The following CHML variants were observed in gnomAD, a reference collection of about 807,000 sequenced individuals.
The protein encoded by CHML is CHM like Rab escort protein, also known as rab proteins geranylgeranyltransferase component A 2.
In CHML, 20 loss-of-function variants were observed where a neutral mutation model predicts 30.4. The observed-to-expected ratio is 0.66, with a 90% CI of 0.46 to 0.95. The LOEUF (loss-of-function observed/expected upper bound fraction) is 0.95. Among genes scored for constraint, CHML ranks in the 40% least tolerant of loss-of-function variants. The pLI, the probability that CHML is intolerant of heterozygous loss-of-function variation, is 0.00. For synonymous variants in CHML, 281 were observed against 275.0 expected (o/e 1.02, Z -0.22); for missense variants, 795 against 768.5 (o/e 1.03, Z -0.41).
chr1:241,634,936 A>C lies in CHML; in HGVS notation c.831T>G (p.Pro277=), dbSNP rs897291725. 13 of 1,612,998 alleles carry C rather than the reference A, an allele frequency of 8.1e-6. No individual in the cohort carries two copies. Among genetic ancestry groups the C allele is most frequent in the Non-Finnish European group, 1.1e-5 (13 of 1,179,690 alleles). The change falls in exon 2 of 2, where the codon CCT becomes CCG. Residue 277 remains proline (P), a synonymous_variant. Coordinates refer to ENST00000366553, the MANE Select transcript of CHML (RefSeq NM_001381853.1). ...TATTAAAGACATCTGCTCTGGAACA[A>C]GGAACTTGTTCTACCTTTCCTTCCC... The part of the protein sequence containing the change: ...AFREGKVEQV[P]CSRADVFNSK...
In CHML at chr1:241,634,061, C is replaced by A; in HGVS notation, c.1706G>T (p.Gly569Val). ...SSGISRSSYN[G>V]LPSNVYVCSG... Reference sequence around the variant, plus strand: ...GCAGACATAAACATTGGAAGGCAAGCCATTATACGAGCTTCTGCTGATTCC... The same window carrying A: ...GCAGACATAAACATTGGAAGGCAAGACATTATACGAGCTTCTGCTGATTCC... The change falls in exon 2 of 2, where the codon GGC becomes GTC. Residue 569 changes from glycine (G) to valine (V), a missense_variant. Physicochemically the swap from Gly to Val is moderately radical, Grantham distance 109. Coordinates refer to ENST00000366553, the MANE Select transcript of CHML (RefSeq NM_001381853.1). 2 of 1,612,404 alleles carry A rather than the reference C, an allele frequency of 1.2e-6. No individual in the cohort carries two copies. The highest frequency in any genetic ancestry group is 1.7e-6 in the Non-Finnish European group (2 of 1,179,392).
Position 241,640,059 on chromosome 1 carries a change from A to G in CHML, c.-485T>C. 1 of 1,612,548 alleles carries G rather than the reference A, an allele frequency of 6.2e-7. No individual in the cohort carries two copies. The highest frequency in any genetic ancestry group is 8.5e-7 in the Non-Finnish European group (1 of 1,179,412). ...GTGCGGAGCCGCTGGAACTTGTAGTAGAGGACGAGCACCAGCAGGTTGTTG... is the reference window on the plus strand; with the variant it reads ...GTGCGGAGCCGCTGGAACTTGTAGTGGAGGACGAGCACCAGCAGGTTGTTG... On this transcript the variant is annotated 5_prime_UTR_variant, in exon 1 of 2. Coordinates refer to ENST00000366553, the MANE Select transcript of CHML (RefSeq NM_001381853.1).
Position 241,634,843 on chromosome 1 carries a change from T to C in CHML, c.924A>G (p.Glu308=). 1 of 1,611,762 alleles carries C rather than the reference T, an allele frequency of 6.2e-7. No individual in the cohort carries two copies. The highest frequency in any genetic ancestry group is 1.1e-5 in the South Asian group (1 of 90,726). ...MKFLTFCLEY[E]QHPDEYQAFR... is the part of the protein sequence containing the mutation. ...AAGCTTGGTATTCATCAGGATGTTG[T>C]TCATACTCTAAACAAAATGTGAGAA... Residue 308 remains glutamate (E), a synonymous_variant, in exon 2 of 2, where the codon GAA becomes GAG. Coordinates refer to ENST00000366553, the MANE Select transcript of CHML (RefSeq NM_001381853.1).
Position 241,634,476 on chromosome 1 carries a change from C to T in CHML, c.1291G>A (p.Ala431Thr). The change falls in exon 2 of 2, where the codon GCT becomes ACT. Residue 431 changes from alanine (A) to threonine (T), a missense_variant. Ala to Thr is a moderately conservative substitution (Grantham distance 58, BLOSUM62 0). Transcript: ENST00000366553. ...CTGTCTTCCACAATAAAATATTTAG[C>T]ATTTATTCTTTGACCAAAGTGATCT... ...IIDHFGQRINAKYFIVEDSYL... is the reference protein window; with the variant it reads ...IIDHFGQRINTKYFIVEDSYL... The T allele has an allele frequency of 1.2e-6, 2 of 1,613,724 alleles. No individual in the cohort carries two copies. The highest frequency in any genetic ancestry group is 1.1e-5 in the South Asian group (1 of 91,082).
At chr1:241,639,207 T>C (rs934968618) in intron 1 of CHML, 1 of 152,220 alleles carries the variant, frequency 6.6e-6, no homozygotes, top group Non-Finnish European at 1.5e-5. Flanking sequence ...GCTGAGCCAT[T>C]TGTAATCTCA....
At position 241,635,511 on chromosome 1, in the gene CHML, C is replaced by T; in HGVS notation, c.256G>A (p.Ala86Thr). 3.1e-6 allele frequency: 5 copies of T among 1,613,908 alleles called. No individual in the cohort carries two copies. Among genetic ancestry groups the T allele is most frequent in the Non-Finnish European group, 4.2e-6 (5 of 1,179,936 alleles). Residue 86 changes from alanine to threonine, a missense_variant, in exon 2 of 2, where the codon GCC becomes ACC. Coordinates refer to ENST00000366553, the MANE Select transcript of CHML (RefSeq NM_001381853.1). Reference protein sequence around the residue: ...WQDLIHETEEAITLRKKDETI... With the variant: ...WQDLIHETEETITLRKKDETI... Reference sequence around the variant, plus strand: ...TCATCCTTCTTGCGAAGAGTGATGGCTTCTTCTGTTTCATGGATCAGGTCC... The same window carrying T: ...TCATCCTTCTTGCGAAGAGTGATGGTTTCTTCTGTTTCATGGATCAGGTCC...
chr1:241,635,599 T>C lies in CHML; in HGVS notation c.168A>G (p.Leu56=), dbSNP rs376225412. Residue 56 remains leucine (L), a synonymous_variant, in exon 2 of 2, where the codon CTA becomes CTG. Coordinates refer to ENST00000366553, the MANE Select transcript of CHML (RefSeq NM_001381853.1). ...NWASFSFSGL[L]SWLKEYQQNN... ...TTTGCTGATACTCCTTCAACCAGGA[T>C]AGCAATCCTGAAAAGCTGAAACTAG... 1.4e-5 allele frequency: 23 copies of C among 1,614,118 alleles called. No homozygotes were observed. The highest frequency in any genetic ancestry group is 2.2e-5 in the East Asian group (1 of 44,886).
In CHML at chr1:241,632,975, G is replaced by A. The variant is rs1208684922; in HGVS notation, c.*821C>T. ...CACTTCATTTTTCCTTTTGGTCTAAGTTACTTATTGGAAGCTATTTTAAGT... is the reference window on the plus strand; with the variant it reads ...CACTTCATTTTTCCTTTTGGTCTAAATTACTTATTGGAAGCTATTTTAAGT... On this transcript the variant is annotated 3_prime_UTR_variant, in exon 2 of 2. Coordinates refer to ENST00000366553, the MANE Select transcript of CHML (RefSeq NM_001381853.1). The A allele has an allele frequency of 6.6e-6, 1 of 152,068 alleles. No individual in the cohort carries two copies. The highest frequency in any genetic ancestry group is 1.5e-5 in the Non-Finnish European group (1 of 67,988). The allele number at this position is 152,068 out of a possible 1,614,324, so 9.4% of individuals were successfully genotyped here. A position where few individuals can be genotyped will look rare whatever the true frequency, so the allele number is the denominator to read the frequency against.
chr1:241,638,949 C>T lies in CHML; in HGVS notation c.-308+933G>A, dbSNP rs150373579. ...GGAACTTTAAGCCTTGAGAAATACA[C>T]ATTTCTATTTCAAATCTCCCTACAA... On this transcript the variant is annotated intron_variant, in intron 1 of 1. Transcript: ENST00000366553. Among the ~76,000 whole-genome samples the T allele has an allele frequency of 3.5e-3, 540 of 152,284 alleles. 2 individuals carry two copies. The highest frequency in any genetic ancestry group is 0.012 in the African/African-American group (496 of 41,544).
rs1252583247 is a variant in CHML at position 241,629,927 on chromosome 1, CT to C, written c.*3868del. The C allele has an allele frequency of 6.6e-6, 1 of 151,766 alleles. No individual in the cohort carries two copies. The highest frequency in any genetic ancestry group is 6.6e-5 in the Admixed American group (1 of 15,256). 9.4% of individuals were successfully genotyped at this position (151,766 alleles called of 1,614,324 possible). A position where few individuals can be genotyped will look rare whatever the true frequency, so the allele number is the denominator to read the frequency against. ...AGAGCAAGGCTCCCATTTTTTCCCC[CT>C]AAATTAAAAAAACTTACATCTTTGC... On this transcript the variant is annotated 3_prime_UTR_variant, in exon 2 of 2. Transcript: ENST00000366553.
In CHML at chr1:241,639,821, G is replaced by A. The variant is rs1456279694; in HGVS notation, c.-308+61C>T. ...GCTGGGGGGCGGACGCACGGAGCGGGCAGCGGGGTGGGGAGTGGAAGTTTG... is the reference window on the plus strand; with the variant it reads ...GCTGGGGGGCGGACGCACGGAGCGGACAGCGGGGTGGGGAGTGGAAGTTTG... On this transcript the variant is annotated intron_variant, in intron 1 of 1. Transcript: ENST00000366553. 7.2e-6 allele frequency: 10 copies of A among 1,383,458 alleles called. No homozygotes were observed. In the Admixed American group the frequency reaches 1.8e-4, roughly 25 times the overall value. 85.7% of individuals were successfully genotyped at this position (1,383,458 alleles called of 1,614,324 possible).
chr1:241,635,660 T>C lies in CHML; in HGVS notation c.107A>G (p.His36Arg). Reference sequence around the variant, plus strand: ...TCCATAGTAGCTTCTTGAATCAATATGCAGAACCCTCTGACCACTTCTTGA... The same window carrying C: ...TCCATAGTAGCTTCTTGAATCAATACGCAGAACCCTCTGACCACTTCTTGA... ...ACSRSGQRVL[H>R]IDSRSYYGGN... Residue 36 changes from histidine to arginine, a missense_variant, in exon 2 of 2, where the codon CAT becomes CGT. By Grantham distance (29) the His-to-Arg change is conservative. Transcript: ENST00000366553. The C allele has an allele frequency of 1.2e-6, 2 of 1,614,090 alleles. No individual in the cohort carries two copies. Among genetic ancestry groups the C allele is most frequent in the South Asian group, 2.2e-5 (2 of 91,080 alleles).
At position 241,633,947 on chromosome 1, in the gene CHML, C is replaced by A. The variant is rs753286099; in HGVS notation, c.1820G>T (p.Cys607Phe). The A allele has an allele frequency of 6.2e-7, 1 of 1,613,838 alleles. No homozygotes were observed. Among genetic ancestry groups the A allele is most frequent in the Non-Finnish European group, 8.5e-7 (1 of 1,179,816 alleles). The stretch of plus-strand genomic sequence containing the variant: ...GTCTTCTGGATTTGGAGGTGGAGGG[C>A]AGAATTCTTCAGTTGGAAAGATCTC... Reference protein sequence around the residue: ...FQEIFPTEEFCPPPPNPEDII... With the variant: ...FQEIFPTEEFFPPPPNPEDII... The change falls in exon 2 of 2, where the codon TGC (cysteine) becomes TTC (phenylalanine). Residue 607 changes from cysteine to phenylalanine, a missense_variant. Physicochemically the swap from Cys to Phe is radical, Grantham distance 205 (BLOSUM62 -2). Transcript: ENST00000366553.
At position 241,631,437 on chromosome 1, in the gene CHML, T is replaced by C. The variant is rs1389258235; in HGVS notation, c.*2359A>G. On this transcript the variant is annotated 3_prime_UTR_variant, in exon 2 of 2. Coordinates refer to ENST00000366553, the MANE Select transcript of CHML (RefSeq NM_001381853.1). ...CTCATTTTAATTACTATTTTATAGG[T>C]CTATTTCAAGTATTTCAGTTGTTCT... 1 of 152,078 alleles carries C rather than the reference T, an allele frequency of 6.6e-6. No individual in the cohort carries two copies. 9.4% of individuals were successfully genotyped at this position (152,078 alleles called of 1,614,324 possible). A position where few individuals can be genotyped will look rare whatever the true frequency, so the allele number is the denominator to read the frequency against.
Position 241,630,636 on chromosome 1 carries a change from T to C in CHML, c.*3160A>G, listed in dbSNP as rs1446340758. 3 of 152,076 alleles carry C rather than the reference T, an allele frequency of 2.0e-5. No homozygotes were observed. The highest frequency in any genetic ancestry group is 2.9e-5 in the Non-Finnish European group (2 of 67,932). The allele number at this position is 152,076 out of a possible 1,614,324, so 9.4% of individuals were successfully genotyped here. Reference sequence around the variant, plus strand: ...GCAATGACAGGTCTCTTTAACCATATATAAAAATAGTGCCAACACTGTTTA... The same window carrying C: ...GCAATGACAGGTCTCTTTAACCATACATAAAAATAGTGCCAACACTGTTTA... On this transcript the variant is annotated 3_prime_UTR_variant, in exon 2 of 2. Coordinates refer to ENST00000366553, the MANE Select transcript of CHML (RefSeq NM_001381853.1).
At position 241,634,661 on chromosome 1, in the gene CHML, C is replaced by T. The variant is rs200203736; in HGVS notation, c.1106G>A (p.Arg369Gln). 1.4e-5 allele frequency: 22 copies of T among 1,613,794 alleles called. No homozygotes were observed. Among genetic ancestry groups the T allele is most frequent in the African/African-American group, 5.3e-5 (4 of 74,882 alleles). Residue 369 changes from arginine to glutamine, a missense_variant, in exon 2 of 2, where the codon CGG (arginine) becomes CAG (glutamine). Transcript: ENST00000366553. ...ATKNFLQCLG[R>Q]FGNTPFLFPL... is the part of the protein sequence containing the mutation. ...AAATAAAAAGGGGGTGTTGCCAAACCGTCCGAGACACTGAAGGAAGTTTTT... is the reference window on the plus strand; with the variant it reads ...AAATAAAAAGGGGGTGTTGCCAAACTGTCCGAGACACTGAAGGAAGTTTTT...
In CHML at chr1:241,633,528, T is replaced by C. The variant is rs1664729771; in HGVS notation, c.*268A>G. On this transcript the variant is annotated 3_prime_UTR_variant, in exon 2 of 2. Transcript: ENST00000366553. ...TGCTAATATGGAACCCTTACATATATACCCAATACTAAAATAAAGCTAACT... is the reference window on the plus strand; with the variant it reads ...TGCTAATATGGAACCCTTACATATACACCCAATACTAAAATAAAGCTAACT... 2.3e-6 allele frequency: 1 copy of C among 431,014 alleles called. No homozygotes were observed. Among genetic ancestry groups the C allele is most frequent in the Non-Finnish European group, 4.1e-6 (1 of 242,006 alleles). The allele number at this position is 431,014 out of a possible 1,614,324, so 26.7% of individuals were successfully genotyped here.
chr1:241,640,053 T>C lies in CHML; in HGVS notation c.-479A>G. The C allele has an allele frequency of 6.2e-7, 1 of 1,612,612 alleles. No homozygotes were observed. Among genetic ancestry groups the C allele is most frequent in the Non-Finnish European group, 8.5e-7 (1 of 1,179,480 alleles). On this transcript the variant is annotated 5_prime_UTR_variant, in exon 1 of 2. Transcript: ENST00000366553. Reference sequence around the variant, plus strand: ...GTGGGAGTGCGGAGCCGCTGGAACTTGTAGTAGAGGACGAGCACCAGCAGG... The same window carrying C: ...GTGGGAGTGCGGAGCCGCTGGAACTCGTAGTAGAGGACGAGCACCAGCAGG...
chr1:241,640,368 C>G lies in CHML; in HGVS notation c.-794G>C. 4.9e-6 allele frequency: 5 copies of G among 1,012,582 alleles called. No homozygotes were observed. Among genetic ancestry groups the G allele is most frequent in the Non-Finnish European group, 5.9e-6 (5 of 840,768 alleles). The allele number at this position is 1,012,582 out of a possible 1,614,324, so 62.7% of individuals were successfully genotyped here. On this transcript the variant is annotated 5_prime_UTR_variant, in exon 1 of 2. Coordinates refer to ENST00000366553, the MANE Select transcript of CHML (RefSeq NM_001381853.1). ...CGCCGCCTGCTCTAGCCATTGTGCA[C>G]TGAGGGGCCCGCGCTACCGCGCGCC...
Sources: gnomAD v4.1 joint callset for allele counts (sites outside exome capture counted in the v4.1 genomes callset) on GRCh38, gnomAD v4.1.1 for gene constraint, MANE v1.5 for transcripts, NCBI Gene and HGNC (gene_info 2026-07-23, HGNC 2026-07-21) for gene names.